TRIM49B: variants seen among roughly 807,000 people sequenced by gnomAD.
TRIM49B encodes the protein putative tripartite motif-containing protein 49B.
Under a neutral mutation model 31.8 loss-of-function variants are expected in TRIM49B, and 18 were observed. That is an observed-to-expected ratio of 0.57 (90% CI 0.39 to 0.84). The LOEUF (loss-of-function observed/expected upper bound fraction) is 0.84. Ranked by LOEUF, TRIM49B falls within the 40% of genes least tolerant of loss-of-function variation. The pLI is 0.00. For synonymous variants in TRIM49B, 196 were observed against 180.6 expected, an observed-to-expected ratio of 1.09 and a Z score of -0.68; for missense variants, 494 against 538.7, an observed-to-expected ratio of 0.92 and a Z score of 0.82.
At chr11:49,036,178 T>A (rs1854527289) in intron 5 of TRIM49B, 123 bp from the exon 6 acceptor site, 1 of 1,523,718 alleles carries the variant, frequency 6.6e-7, no homozygotes, top group Non-Finnish European at 8.8e-7. Context: ...AAGGAAGGAA[T>A]AATTTTTGAA....
chr11:49,035,693 G>A (rs549961874), intron 5 of TRIM49B, among the ~76,000 whole-genome samples: 29 of 152,218 alleles, frequency 1.9e-4, no homozygotes, highest in Non-Finnish European at 3.8e-4. Flanking sequence ...GCCTGCACAG[G>A]AGAAAGATAA....
intron 5 of TRIM49B, among the ~76,000 whole-genome samples, chr11:49,036,091 A>G (rs1854526091): frequency 6.7e-6 from 1 of 150,360 alleles, no homozygotes; most frequent in Non-Finnish European, 1.5e-5. Context: ...AAAAAAAAAG[A>G]AGGATCAGAT....
chr11:49,033,465 G>GTATA lies in TRIM49B; in HGVS notation c.508-671_508-668dup, dbSNP rs369267332. ...TGTATGTATGTGTGTGTGGTTGTGT[G>GTATA]TATATATATATATGTATGTATGTAT... On this transcript the variant is annotated intron_variant, in intron 3 of 6. Coordinates refer to ENST00000332682, the MANE Select transcript of TRIM49B (RefSeq NM_001206626.2). 9.5e-3 allele frequency among the ~76,000 whole-genome samples: 917 copies of GTATA among 96,800 alleles called. 14 individuals are homozygous for GTATA. The highest frequency in any genetic ancestry group is 0.037 in the African/African-American group (878 of 24,034). 63.5% of individuals were successfully genotyped at this position (96,800 alleles called of 152,430 possible).
intron 3 of TRIM49B, 78 bp downstream of exon 3, chr11:49,032,449 T>C: frequency 6.2e-7 from 1 of 1,601,400 alleles, no homozygotes; most frequent in Non-Finnish European, 8.5e-7. Flanking sequence ...GAACTGGATA[T>C]CAAACTGTAA....
intron 5 of TRIM49B, among the ~76,000 whole-genome samples, chr11:49,035,693 G>C (rs549961874): frequency 6.6e-6 from 1 of 152,100 alleles, no homozygotes; most frequent in Admixed American, 6.6e-5. Context: ...GCCTGCACAG[G>C]AGAAAGATAA....
At position 49,037,983 on chromosome 11, in the gene TRIM49B, G is replaced by A. The variant is rs1366757256; in HGVS notation, c.*6G>A. 1 of 1,604,506 alleles carries A rather than the reference G, an allele frequency of 6.2e-7. No individual in the cohort carries two copies. Among genetic ancestry groups the A allele is most frequent in the Non-Finnish European group, 8.5e-7 (1 of 1,176,496 alleles). On this transcript the variant is annotated 3_prime_UTR_variant, in exon 7 of 7. Transcript: ENST00000332682. ...TTTGCTGTATTCACTTCTGACCAGA[G>A]ACAAATCAGAAATGTGTTCACATGC...
chr11:49,037,931 C>T lies in TRIM49B; in HGVS notation c.1313C>T (p.Ser438Phe). ...SSLIYTIPNC[S>F]FSPPLRPIFC... ...CTAATATACACCATCCCTAATTGCTCTTTCTCACCTCCTCTCAGGCCTATC... is the reference window on the plus strand; with the variant it reads ...CTAATATACACCATCCCTAATTGCTTTTTCTCACCTCCTCTCAGGCCTATC... Residue 438 changes from serine (S) to phenylalanine (F), a missense_variant, in exon 7 of 7, where the codon TCT becomes TTT. Physicochemically the swap from Ser to Phe is radical, Grantham distance 155. Transcript: ENST00000332682. 6.2e-7 allele frequency: 1 copy of T among 1,613,162 alleles called. No homozygotes were observed.
chr11:49,033,543 G>A (rs1854481247), intron 3 of TRIM49B, among the ~76,000 whole-genome samples: 1 of 152,084 alleles, frequency 6.6e-6, no homozygotes, highest in Non-Finnish European at 1.5e-5. Context: ...GGAGAGAATA[G>A]CATATGCAGT....
intron 3 of TRIM49B, among the ~76,000 whole-genome samples, chr11:49,032,744 G>C (rs571851311): frequency 6.6e-6 from 1 of 152,180 alleles, no homozygotes; most frequent in South Asian, 2.1e-4. Context: ...AAACTTCTGA[G>C]TGTCAGTCAG....
At chr11:49,035,234 C>CTT in intron 5 of TRIM49B, 117 bp downstream of exon 5, 1 of 1,453,742 alleles carries the variant, frequency 6.9e-7, no homozygotes, top group South Asian at 1.3e-5. Context: ...ATTGATACCA[C>CTT]TTTTTTTTTG....
intron 1 of TRIM49B, among the ~76,000 whole-genome samples, chr11:49,030,761 T>A (rs1854433726): frequency 6.6e-6 from 1 of 152,132 alleles, no homozygotes; most frequent in Non-Finnish European, 1.5e-5. Context: ...TATTGGTTAA[T>A]CCAGTCAGAC....
intron 1 of TRIM49B, among the ~76,000 whole-genome samples, chr11:49,031,365 C>T (rs1297424628): frequency 6.6e-6 from 1 of 152,152 alleles, no homozygotes; most frequent in African/African-American, 2.4e-5. Context: ...ATGCTACAGA[C>T]AGGAACTAGG....
intron 1 of TRIM49B, among the ~76,000 whole-genome samples, chr11:49,031,137 C>A (rs1854439839): frequency 6.6e-6 from 1 of 151,798 alleles, no homozygotes; most frequent in Admixed American, 6.6e-5. Context: ...GCTTTTGTGA[C>A]CCTCTATAAA....
At chr11:49,034,780 G>A (rs930077613) in intron 4 of TRIM49B, among the ~76,000 whole-genome samples, 1 of 152,182 alleles carries the variant, frequency 6.6e-6, no homozygotes, top group African/African-American at 2.4e-5. Flanking sequence ...CCACTCATTT[G>A]GGTAACAGGT....
intron 1 of TRIM49B, among the ~76,000 whole-genome samples, chr11:49,029,544 CTG>C (rs1254443733): frequency 6.6e-6 from 1 of 152,196 alleles, no homozygotes; most frequent in Admixed American, 6.5e-5. Flanking sequence ...TCTTATTAAA[CTG>C]TGAAAAATTT....
At chr11:49,030,459 T>G (rs1351423253) in intron 1 of TRIM49B, among the ~76,000 whole-genome samples, 1 of 152,196 alleles carries the variant, frequency 6.6e-6, no homozygotes, top group African/African-American at 2.4e-5. Flanking sequence ...ATTTGCTTGA[T>G]TATGGAGTCT....
At chr11:49,035,159 C>T in intron 5 of TRIM49B, 42 bp downstream of exon 5, 2 of 1,595,480 alleles carry the variant, frequency 1.3e-6, no homozygotes, top group Non-Finnish European at 1.7e-6. Flanking sequence ...CTTTAAGATT[C>T]CACGACTATC....
chr11:49,037,304 T>A (rs143406462), intron 6 of TRIM49B, among the ~76,000 whole-genome samples, 174 bp from the exon 7 acceptor site: 25 of 152,090 alleles, frequency 1.6e-4, no homozygotes, highest in Non-Finnish European at 2.9e-4. Flanking sequence ...AAACATAATA[T>A]CTGTGGTTAG....
intron 1 of TRIM49B, 80 bp from the exon 2 acceptor site, chr11:49,031,516 A>G (rs1854444931): frequency 1.9e-6 from 3 of 1,557,672 alleles, no homozygotes; most frequent in Non-Finnish European, 8.6e-7. Context: ...AAGAAAATAT[A>G]ACTATCACAT....
Sources: allele counts gnomAD v4.1 joint callset (sites outside exome capture counted in the v4.1 genomes callset), GRCh38; gene constraint gnomAD v4.1.1; transcripts MANE v1.5; gene names NCBI Gene and HGNC (gene_info 2026-07-23, HGNC 2026-07-21).